Variants in MNAT1 observed in about 807,000 individuals in gnomAD.
MNAT1 encodes the protein CDK-activating kinase assembly factor MAT1.
MNAT1 carries 43 observed loss-of-function variants against 42.0 expected under a neutral mutation model. The observed-to-expected ratio is 1.02, with a 90% CI of 0.80 to 1.32. MNAT1 has a LOEUF of 1.32. Among genes scored for constraint, MNAT1 ranks in the 40% most tolerant of loss-of-function variants. The probability of loss-of-function intolerance (pLI) is 0.00; values close to 1 mark genes in which losing one functional copy is unlikely to be tolerated. For synonymous variants in MNAT1, 118 were observed against 120.0 expected, an observed-to-expected ratio of 0.98 and a Z score of 0.11; for missense variants, 306 against 350.4, an observed-to-expected ratio of 0.87 and a Z score of 1.01.
intron 6 of MNAT1, among the ~76,000 whole-genome samples, chr14:60,821,194 C>A (rs943635792): frequency 6.6e-6 from 1 of 152,158 alleles, no homozygotes; most frequent in African/African-American, 2.4e-5. Flanking sequence ...GTTGCCCAGG[C>A]TGGCCTCAAA....
chr14:60,966,394 A>G (rs540486732), intron 7 of MNAT1, among the ~76,000 whole-genome samples: 45 of 152,218 alleles, frequency 3.0e-4, no homozygotes, highest in African/African-American at 1.1e-3. Context: ...TGCTGGGCTC[A>G]CAGGTGTGCG....
chr14:60,938,482 AATC>A (rs748035680), intron 7 of MNAT1, among the ~76,000 whole-genome samples: 23 of 152,268 alleles, frequency 1.5e-4, no homozygotes, highest in African/African-American at 5.3e-4. Context: ...CTATTGAGAT[AATC>A]ATGTGTTTTT....
intron 1 of MNAT1, among the ~76,000 whole-genome samples, chr14:60,753,192 C>T (rs1361481247): frequency 1.3e-5 from 2 of 152,174 alleles, no homozygotes; most frequent in Non-Finnish European, 2.9e-5. Context: ...GTAGTTTTGG[C>T]TCAGGGTGTC....
chr14:60,799,701 T>A (rs2300470), intron 3 of MNAT1, among the ~76,000 whole-genome samples: 137,771 of 150,260 alleles, frequency 0.92, 63,465 homozygotes, highest in Non-Finnish European at 0.98. Context: ...ATTAAAAAAA[T>A]ATATATATAT....
intron 1 of MNAT1, among the ~76,000 whole-genome samples, chr14:60,789,922 G>C (rs2031764965): frequency 6.6e-6 from 1 of 152,080 alleles, no homozygotes; most frequent in Admixed American, 6.6e-5. Flanking sequence ...TTCAAAGTAT[G>C]CTTTTGTAAT....
At position 60,968,280 on chromosome 14, in the gene MNAT1, T is replaced by C. The variant is rs2036719206; in HGVS notation, c.861T>C (p.Tyr287=). Residue 287 remains tyrosine (Y), a synonymous_variant, in exon 8 of 8, where the codon TAT becomes TAC. Coordinates refer to ENST00000261245, the MANE Select transcript of MNAT1 (RefSeq NM_002431.4). Reference sequence around the variant, plus strand: ...CACCACAGGACCTTGCTGGAGGCTATACTTCTTCTCTTGCTTGTCACAGAG... The same window carrying C: ...CACCACAGGACCTTGCTGGAGGCTACACTTCTTCTCTTGCTTGTCACAGAG... The part of the protein sequence containing the change: ...AASPQDLAGG[Y]TSSLACHRAL... The C allele has an allele frequency of 1.2e-6, 2 of 1,614,024 alleles. No individual in the cohort carries two copies. Among genetic ancestry groups the C allele is most frequent in the South Asian group, 2.2e-5 (2 of 91,072 alleles).
chr14:60,896,326 A>G (rs2034955920), intron 7 of MNAT1, among the ~76,000 whole-genome samples: 1 of 152,126 alleles, frequency 6.6e-6, no homozygotes. Flanking sequence ...AGTCTAATTG[A>G]TTGTCAATGT....
intron 1 of MNAT1, among the ~76,000 whole-genome samples, chr14:60,755,969 G>C (rs2030332043): frequency 6.6e-6 from 1 of 152,172 alleles, no homozygotes; most frequent in African/African-American, 2.4e-5. Flanking sequence ...ATGTATCTCT[G>C]TCTCTTTTTG....
At chr14:60,955,021 A>G (rs1295771796) in intron 7 of MNAT1, among the ~76,000 whole-genome samples, 1 of 152,104 alleles carries the variant, frequency 6.6e-6, no homozygotes, top group Non-Finnish European at 1.5e-5. Context: ...TATCATTTTC[A>G]TAGATTTCCA....
chr14:60,748,427 C>G (rs1345978963), intron 1 of MNAT1, among the ~76,000 whole-genome samples: 2 of 152,104 alleles, frequency 1.3e-5, no homozygotes, highest in East Asian at 3.9e-4. Context: ...GATGAGGTAT[C>G]ATTATGTTGC....
At chr14:60,826,139 A>C (rs935322171) in intron 6 of MNAT1, among the ~76,000 whole-genome samples, 3 of 152,068 alleles carry the variant, frequency 2.0e-5, no homozygotes, top group Non-Finnish European at 4.4e-5. Context: ...GATTAGGAAT[A>C]TTATGAAGGT....
At chr14:60,886,337 G>T (rs1239960534) in intron 7 of MNAT1, among the ~76,000 whole-genome samples, 2 of 151,998 alleles carry the variant, frequency 1.3e-5, no homozygotes, top group Admixed American at 1.3e-4. Flanking sequence ...GCTTTTGGTA[G>T]TATGGACATT....
chr14:60,901,013 CAAAAAAAAAAAAAAAA>C (rs56345746), intron 7 of MNAT1, among the ~76,000 whole-genome samples: 1 of 36,576 alleles, frequency 2.7e-5, no homozygotes, highest in African/African-American at 1.2e-4. Flanking sequence ...GAGCCTGTCT[CAAAAAAAAAAAAAAAA>C]AAAAAAAAAA....
intron 1 of MNAT1, among the ~76,000 whole-genome samples, chr14:60,761,087 T>C (rs2268414): frequency 0.036 from 5,479 of 152,314 alleles, 147 homozygotes; most frequent in South Asian, 0.093. Flanking sequence ...ATATGTAATG[T>C]GTTTACTTCT....
intron 1 of MNAT1, among the ~76,000 whole-genome samples, chr14:60,791,496 T>A (rs912307814): frequency 1.3e-5 from 2 of 152,168 alleles, no homozygotes; most frequent in African/African-American, 4.8e-5. Flanking sequence ...AGGTATCAAG[T>A]GATTCATAGC....
At chr14:60,860,818 T>C (rs913104460) in intron 6 of MNAT1, among the ~76,000 whole-genome samples, 2 of 152,168 alleles carry the variant, frequency 1.3e-5, no homozygotes, top group Admixed American at 6.5e-5. Context: ...TGAGAAGATA[T>C]ATAGATGGGA....
chr14:60,869,040 A>ATATATATATATATTT (rs1465360826), intron 6 of MNAT1, among the ~76,000 whole-genome samples: 108 of 113,010 alleles, frequency 9.6e-4, no homozygotes, highest in African/African-American at 3.2e-3. Context: ...ATATATATAT[A>ATATATATATATATTT]TTTTTTTTTT....
chr14:60,782,263 C>A (rs986010241), intron 1 of MNAT1, among the ~76,000 whole-genome samples: 1 of 152,018 alleles, frequency 6.6e-6, no homozygotes, highest in African/African-American at 2.4e-5. Flanking sequence ...GAGGCCATTT[C>A]CCCAATTTTC....
intron 5 of MNAT1, among the ~76,000 whole-genome samples, chr14:60,814,180 T>G (rs1479038957): frequency 6.6e-6 from 1 of 152,170 alleles, no homozygotes; most frequent in Non-Finnish European, 1.5e-5. Flanking sequence ...ACAATATATT[T>G]TATATTTTTG....
Sources: gnomAD v4.1 joint callset for allele counts (sites outside exome capture counted in the v4.1 genomes callset) on GRCh38, gnomAD v4.1.1 for gene constraint, MANE v1.5 for transcripts, NCBI Gene and HGNC (gene_info 2026-07-23, HGNC 2026-07-21) for gene names.